LCOR: variants seen among roughly 807,000 people sequenced by gnomAD.
LCOR encodes the protein ligand-dependent corepressor.
In LCOR, 14 loss-of-function variants were observed where a neutral mutation model predicts 64.4. The ratio of observed to expected loss-of-function variants is 0.22; its 90% CI spans 0.14 to 0.34. The LOEUF is 0.34. LCOR is among the 10% of genes least tolerant of loss of function. The probability of loss-of-function intolerance (pLI) is 1.00; values close to 1 mark genes in which losing one functional copy is unlikely to be tolerated. For missense variants in LCOR, 1,686 were observed against 1,765.3 expected, an observed-to-expected ratio of 0.96 and a Z score of 0.80; for synonymous variants, 643 against 642.5, an observed-to-expected ratio of 1.00 and a Z score of -0.01.
intron 4 of LCOR, among the ~76,000 whole-genome samples, chr10:96,924,978 A>G (rs1378562753): frequency 6.6e-6 from 1 of 152,148 alleles, no homozygotes; most frequent in Non-Finnish European, 1.5e-5. Context: ...AGCATCACTC[A>G]TTAAATTTGA....
chr10:96,944,121 A>G lies in LCOR; in HGVS notation c.-175A>G. ...ACCAAGTATTTTTGCAGGGACACTT[A>G]GTCGGTCTGGATGAACCAGCTTCGG... is the stretch of plus-strand genomic sequence containing the variant. On this transcript the variant is annotated 5_prime_UTR_variant, in exon 5 of 8. Transcript: ENST00000421806. 1.0e-6 allele frequency: 1 copy of G among 985,694 alleles called. No individual in the cohort carries two copies. 61.1% of individuals were successfully genotyped at this position (985,694 alleles called of 1,614,324 possible).
At position 96,949,106 on chromosome 10, in the gene LCOR, A is replaced by C; in HGVS notation, c.49A>C (p.Ser17Arg). Residue 17 changes from serine (S) to arginine (R), a missense_variant, in exon 6 of 8, where the codon AGC becomes CGC. Physicochemically the swap from Ser to Arg is moderately radical, Grantham distance 110. Coordinates refer to ENST00000421806, the MANE Select transcript of LCOR (RefSeq NM_001346516.2). ...TGCTGCTGAATATACCTCAAAAAAT[A>C]GCTCTACTCAGGACCCCAGCCAGCC... is the stretch of plus-strand genomic sequence containing the variant. Reference protein sequence around the residue: ...QFAAEYTSKNSSTQDPSQPNS... With the variant: ...QFAAEYTSKNRSTQDPSQPNS... 1 of 1,614,046 alleles carries C rather than the reference A, an allele frequency of 6.2e-7. No individual in the cohort carries two copies. The highest frequency in any genetic ancestry group is 8.5e-7 in the Non-Finnish European group (1 of 1,179,986).
At chr10:96,844,304 TG>T in intron 2 of LCOR, among the ~76,000 whole-genome samples, 1 of 151,722 alleles carries the variant, frequency 6.6e-6, no homozygotes, top group East Asian at 1.9e-4. Flanking sequence ...GTATACTCCA[TG>T]GTGCCTGGCT....
At chr10:96,979,583 G>C (rs571753002) in intron 7 of LCOR, among the ~76,000 whole-genome samples, 1 of 152,178 alleles carries the variant, frequency 6.6e-6, no homozygotes, top group Non-Finnish European at 1.5e-5. Context: ...GATTGTAAAA[G>C]GTGTATTGAA....
chr10:96,917,744 A>G (rs2134467412), intron 4 of LCOR, among the ~76,000 whole-genome samples: 1 of 152,332 alleles, frequency 6.6e-6, no homozygotes, highest in African/African-American at 2.4e-5. Flanking sequence ...TGCATAAGGA[A>G]GAGATGTGCG....
chr10:96,966,938 G>C (rs752088865), intron 7 of LCOR, among the ~76,000 whole-genome samples: 2 of 152,144 alleles, frequency 1.3e-5, no homozygotes, highest in South Asian at 2.1e-4. Context: ...GTTTCAGTAC[G>C]TTGCCCTGGC....
chr10:96,943,215 C>T (rs142061225), intron 4 of LCOR, among the ~76,000 whole-genome samples: 16 of 152,306 alleles, frequency 1.1e-4, no homozygotes, highest in Non-Finnish European at 1.6e-4. Context: ...CATGCCTCAG[C>T]CTCCTGAGTA....
chr10:96,861,777 C>G (rs1845891961), intron 2 of LCOR, among the ~76,000 whole-genome samples: 2 of 152,178 alleles, frequency 1.3e-5, no homozygotes. Flanking sequence ...AGTGATCTGC[C>G]TACTTTGGCC....
At chr10:96,865,481 G>A (rs980881040) in intron 2 of LCOR, among the ~76,000 whole-genome samples, 6 of 152,054 alleles carry the variant, frequency 3.9e-5, no homozygotes, top group African/African-American at 1.4e-4. Flanking sequence ...AAATCAAATA[G>A]GAGTGATTTT....
chr10:96,957,731 C>CT (rs1847808113), intron 7 of LCOR: 1 of 985,250 alleles, frequency 1.0e-6, no homozygotes, highest in African/African-American at 1.7e-5. Flanking sequence ...CCTCAGCAAC[C>CT]TGTGTGTTCA....
chr10:96,960,386 G>A (rs1220846517), intron 7 of LCOR: 1 of 152,134 alleles, frequency 6.6e-6, no homozygotes, highest in Admixed American at 6.6e-5. Context: ...TGAGAGATTG[G>A]CATCATTTTC....
chr10:96,857,591 T>C (rs1256128005), intron 2 of LCOR, among the ~76,000 whole-genome samples: 1 of 152,168 alleles, frequency 6.6e-6, no homozygotes, highest in Non-Finnish European at 1.5e-5. Flanking sequence ...AAATTTAGGC[T>C]ATTGAAAGTG....
At chr10:96,906,199 T>A (rs896562223) in intron 2 of LCOR, among the ~76,000 whole-genome samples, 1 of 152,306 alleles carries the variant, frequency 6.6e-6, no homozygotes, top group Middle Eastern at 3.4e-3. Flanking sequence ...ACAGTGCCCC[T>A]AGCTACTAGG....
intron 2 of LCOR, among the ~76,000 whole-genome samples, chr10:96,856,972 A>G (rs1845815582): frequency 6.6e-6 from 1 of 152,042 alleles, no homozygotes; most frequent in Non-Finnish European, 1.5e-5. Context: ...AGATCTACTT[A>G]ATTTCAGGAA....
intron 7 of LCOR, chr10:96,959,071 C>T (rs551596307): frequency 1.2e-4 from 18 of 151,958 alleles, no homozygotes; most frequent in African/African-American, 3.9e-4. Flanking sequence ...TCGGAGGTGG[C>T]TCATCACACG....
At chr10:96,950,816 C>CAA (rs1350124224) in intron 6 of LCOR, among the ~76,000 whole-genome samples, 3 of 151,970 alleles carry the variant, frequency 2.0e-5, no homozygotes, top group Non-Finnish European at 4.4e-5. Flanking sequence ...GTCTATTTGA[C>CAA]TTGCGTTTAA....
Position 96,982,488 on chromosome 10 carries a change from C to T in LCOR, c.2028C>T (p.Ser676=), listed in dbSNP as rs1046422181. Residue 676 remains serine (S), a synonymous_variant, in exon 8 of 8, where the codon AGC becomes AGT. Coordinates refer to ENST00000421806, the MANE Select transcript of LCOR (RefSeq NM_001346516.2). ...QDCHLLPSTE[S]FSGGVSEDVI... is the part of the protein sequence containing the mutation. ...GTCACCTCCTTCCCTCCACTGAAAG[C>T]TTTTCCGGGGGAGTCAGTGAAGATG... The T allele has an allele frequency of 5.0e-6, 8 of 1,614,082 alleles. No individual in the cohort carries two copies. In the Admixed American group the frequency reaches 1.3e-4, roughly 27 times the overall value.
intron 5 of LCOR, among the ~76,000 whole-genome samples, chr10:96,946,979 A>G (rs7922270): frequency 0.051 from 7,804 of 152,194 alleles, 684 homozygotes; most frequent in African/African-American, 0.18. Flanking sequence ...CTAATGTACT[A>G]AAACTTGAAA....
intron 4 of LCOR, among the ~76,000 whole-genome samples, chr10:96,932,873 T>C (rs932205758): frequency 1.1e-4 from 16 of 152,190 alleles, no homozygotes; most frequent in Non-Finnish European, 1.6e-4. Context: ...TAGAAAAAAG[T>C]TTGTGAATAT....
Sources: allele counts gnomAD v4.1 joint callset (sites outside exome capture counted in the v4.1 genomes callset), GRCh38; gene constraint gnomAD v4.1.1; transcripts MANE v1.5; gene names NCBI Gene and HGNC (gene_info 2026-07-23, HGNC 2026-07-21).